SLC24A2: variants seen among roughly 807,000 people sequenced by gnomAD.
SLC24A2 encodes the protein solute carrier family 24 member 2.
In SLC24A2, 36 loss-of-function variants were observed where a neutral mutation model predicts 62.0. The observed-to-expected ratio is 0.58, with a 90% CI of 0.44 to 0.77. The LOEUF is 0.77. SLC24A2 is among the 30% of genes least tolerant of loss of function. SLC24A2 has a pLI of 0.00. For missense variants in SLC24A2, 846 were observed against 817.9 expected, an observed-to-expected ratio of 1.03 and a Z score of -0.42; for synonymous variants, 358 against 294.0, an observed-to-expected ratio of 1.22 and a Z score of -2.23.
the SLC24A2 span, among the ~76,000 whole-genome samples, chr9:20,263,643 C>A: frequency 2.0e-5 from 3 of 152,172 alleles, no homozygotes; most frequent in African/African-American, 7.2e-5. Context: ...GAATAGCAGT[C>A]CTGAATCACC....
At chr9:20,245,426 T>C in the SLC24A2 span, among the ~76,000 whole-genome samples, 1 of 152,120 alleles carries the variant, frequency 6.6e-6, no homozygotes, top group South Asian at 2.1e-4. Context: ...GTCTATGATG[T>C]TTTCTGGAAG....
chr9:19,876,136 G>C, the SLC24A2 span, among the ~76,000 whole-genome samples: 1 of 152,072 alleles, frequency 6.6e-6, no homozygotes. Flanking sequence ...TATGCTTCTT[G>C]AATATTTTTC....
chr9:19,948,844 C>T, the SLC24A2 span, among the ~76,000 whole-genome samples: 1 of 71,746 alleles, frequency 1.4e-5, no homozygotes, highest in Non-Finnish European at 2.9e-5. Context: ...GACTCCGTCT[C>T]AAAAAAAAAA....
chr9:19,520,191 G>A (rs186723968), intron 10 of SLC24A2, among the ~76,000 whole-genome samples: 5 of 152,314 alleles, frequency 3.3e-5, no homozygotes, highest in Admixed American at 2.0e-4. Context: ...TCCTGGGAAC[G>A]TAAGGATAAT....
chr9:19,946,433 G>A, the SLC24A2 span, among the ~76,000 whole-genome samples: 23 of 152,302 alleles, frequency 1.5e-4, no homozygotes, highest in Non-Finnish European at 2.5e-4. Context: ...AGTATCATTA[G>A]AAGTTTATTT....
At chr9:20,196,366 GC>G in the SLC24A2 span, among the ~76,000 whole-genome samples, 1 of 152,332 alleles carries the variant, frequency 6.6e-6, no homozygotes, top group East Asian at 1.9e-4. Context: ...CCACAGGACT[GC>G]ACTTGCATTT....
chr9:19,879,799 G>A, the SLC24A2 span, among the ~76,000 whole-genome samples: 1 of 152,042 alleles, frequency 6.6e-6, no homozygotes, highest in Non-Finnish European at 1.5e-5. Context: ...TTGCTTAGAG[G>A]ATATAAGTAT....
chr9:19,788,449 C>T (rs542343831), intron 1 of SLC24A2: 117 of 949,102 alleles, frequency 1.2e-4, no homozygotes, highest in Non-Finnish European at 1.4e-4. Flanking sequence ...CGCCCCCAGC[C>T]GCGCCCCAAC....
intron 2 of SLC24A2, among the ~76,000 whole-genome samples, chr9:19,707,277 CAA>C (rs1209746194): frequency 2.0e-5 from 3 of 151,982 alleles, no homozygotes; most frequent in African/African-American, 7.2e-5. Context: ...GCTTACGAAC[CAA>C]AAAAAGTCCA....
intron 2 of SLC24A2, among the ~76,000 whole-genome samples, chr9:19,775,638 T>A (rs566426188): frequency 6.9e-6 from 1 of 145,226 alleles, no homozygotes; most frequent in Non-Finnish European, 1.6e-5. Flanking sequence ...TTTTAGATCA[T>A]GGCTCTGAAA....
At chr9:19,628,721 G>A (rs7857251) in intron 2 of SLC24A2, among the ~76,000 whole-genome samples, 1 of 152,264 alleles carries the variant, frequency 6.6e-6, no homozygotes, top group South Asian at 2.1e-4. Flanking sequence ...ACGGGTCTAA[G>A]ACAGGAGGTG....
At chr9:19,685,993 T>G (rs1819869745) in intron 2 of SLC24A2, among the ~76,000 whole-genome samples, 1 of 152,036 alleles carries the variant, frequency 6.6e-6, no homozygotes, top group African/African-American at 2.4e-5. Flanking sequence ...ACCTACATAA[T>G]GGGAAAAATA....
chr9:19,652,114 G>C (rs1004463715), intron 2 of SLC24A2, among the ~76,000 whole-genome samples: 1 of 152,136 alleles, frequency 6.6e-6, no homozygotes, highest in African/African-American at 2.4e-5. Context: ...AAGCTAATTG[G>C]TAGTACCTTA....
intron 2 of SLC24A2, among the ~76,000 whole-genome samples, chr9:19,683,109 G>A (rs776958849): frequency 1.3e-5 from 2 of 152,030 alleles, no homozygotes; most frequent in African/African-American, 2.4e-5. Context: ...CAAAGGGAGA[G>A]GAGGGAAAGG....
the SLC24A2 span, among the ~76,000 whole-genome samples, chr9:19,949,942 C>T: frequency 1.3e-5 from 2 of 152,134 alleles, no homozygotes; most frequent in Admixed American, 6.5e-5. Context: ...AGACCAGCAG[C>T]GGCACCCGGG....
At chr9:20,118,564 C>T in the SLC24A2 span, among the ~76,000 whole-genome samples, 1 of 151,786 alleles carries the variant, frequency 6.6e-6, no homozygotes, top group Non-Finnish European at 1.5e-5. Flanking sequence ...TTTTATTTTA[C>T]AGCCTATGTT....
chr9:19,926,543 A>G, the SLC24A2 span: 1 of 152,196 alleles, frequency 6.6e-6, no homozygotes, highest in African/African-American at 2.4e-5. Flanking sequence ...TCTGGTCTAC[A>G]TAGCTTGGGA....
chr9:19,992,950 G>A, the SLC24A2 span, among the ~76,000 whole-genome samples: 1 of 152,158 alleles, frequency 6.6e-6, no homozygotes, highest in African/African-American at 2.4e-5. Context: ...AACATCTAGT[G>A]CCACCATGGC....
the SLC24A2 span, among the ~76,000 whole-genome samples, chr9:20,202,116 G>A: frequency 6.6e-6 from 1 of 150,964 alleles, no homozygotes; most frequent in African/African-American, 2.4e-5. Context: ...ACCTGGGTAA[G>A]CATGGAACAC....
Sources: allele counts gnomAD v4.1 joint callset (sites outside exome capture counted in the v4.1 genomes callset), GRCh38; gene constraint gnomAD v4.1.1; transcripts MANE v1.5; gene names NCBI Gene and HGNC (gene_info 2026-07-23, HGNC 2026-07-21).